The following KAZN variants were observed in gnomAD, a reference collection of about 807,000 sequenced individuals.
KAZN encodes kazrin, periplakin interacting protein.
KAZN carries 40 observed loss-of-function variants against 87.4 expected under a neutral mutation model. The observed-to-expected ratio is 0.46, with a 90% CI of 0.36 to 0.60. KAZN has a LOEUF of 0.60. KAZN is among the 20% of genes least tolerant of loss of function. The probability of loss-of-function intolerance (pLI) is 0.00; values close to 1 mark genes in which losing one functional copy is unlikely to be tolerated. For synonymous variants in KAZN, 466 were observed against 458.3 expected (o/e 1.02, Z -0.22); for missense variants, 898 against 1,073.9 (o/e 0.84, Z 2.29).
At chr1:14,353,607 A>T (rs187509159) in intron 2 of KAZN, among the ~76,000 whole-genome samples, 261 of 152,364 alleles carry the variant, frequency 1.7e-3, no homozygotes, top group African/African-American at 6.0e-3. Flanking sequence ...CACATGCTAT[A>T]AAGTTAACAT....
At chr1:14,662,715 A>G (rs1306827733) in intron 1 of KAZN, among the ~76,000 whole-genome samples, 1 of 151,102 alleles carries the variant, frequency 6.6e-6, no homozygotes, top group African/African-American at 2.4e-5. Context: ...GTGCATGTGT[A>G]TATGTATGAG....
chr1:14,780,076 G>A (rs1030281695), intron 1 of KAZN, among the ~76,000 whole-genome samples: 2 of 152,166 alleles, frequency 1.3e-5, no homozygotes, highest in African/African-American at 4.8e-5. Flanking sequence ...CCCAGGTATT[G>A]TCTGAGTCCC....
chr1:14,009,001 A>G (rs909708895), intron 1 of KAZN, among the ~76,000 whole-genome samples: 3 of 151,966 alleles, frequency 2.0e-5, no homozygotes, highest in African/African-American at 7.3e-5. Flanking sequence ...CTACCGTTCT[A>G]TTTTCTGTCT....
At chr1:15,101,119 C>T (rs928228691) in intron 10 of KAZN, among the ~76,000 whole-genome samples, 5 of 144,028 alleles carry the variant, frequency 3.5e-5, no homozygotes, top group Non-Finnish European at 7.6e-5. Context: ...TGTTCCCTTC[C>T]GTTTGTTTCT....
At chr1:14,524,178 C>T (rs756700661) in intron 2 of KAZN, among the ~76,000 whole-genome samples, 11 of 152,032 alleles carry the variant, frequency 7.2e-5, no homozygotes, top group Admixed American at 2.0e-4. Context: ...TGCACCACCA[C>T]GCCTGGGTAA....
At chr1:13,945,100 A>G (rs1641086583) in intron 1 of KAZN, among the ~76,000 whole-genome samples, 2 of 152,170 alleles carry the variant, frequency 1.3e-5, no homozygotes, top group Admixed American at 6.6e-5. Context: ...TACTAGATAT[A>G]AAGAGAAACA....
intron 2 of KAZN, among the ~76,000 whole-genome samples, chr1:14,518,217 G>A (rs10927456): frequency 0.41 from 54,647 of 132,094 alleles, 11,532 homozygotes; most frequent in South Asian, 0.62. Context: ...GTCTCGCTGT[G>A]CCACCCAGGC....
chr1:15,033,276 T>C (rs1465691907), intron 2 of KAZN, among the ~76,000 whole-genome samples: 1 of 152,236 alleles, frequency 6.6e-6, no homozygotes, highest in Non-Finnish European at 1.5e-5. Context: ...TATTAGGTAA[T>C]ATTCCATTGT....
chr1:14,097,865 G>A lies in KAZN; in HGVS notation c.92-82570G>A, dbSNP rs116003279. Among the ~76,000 whole-genome samples, 1,211 of 152,222 alleles carry A rather than the reference G, an allele frequency of 8.0e-3. 10 individuals are homozygous for A. The highest frequency in any genetic ancestry group is 0.014 in the Non-Finnish European group (946 of 68,000). On this transcript the variant is annotated intron_variant, in intron 1 of 16. Transcript: ENST00000636203. The stretch of plus-strand genomic sequence containing the variant: ...GAAGTTGAATCAGTTCCCCAGATGA[G>A]CCCAGAGCTCACCTTCCTTGTATCT...
At chr1:14,827,845 C>T (rs1241046828) in intron 1 of KAZN, among the ~76,000 whole-genome samples, 4 of 152,222 alleles carry the variant, frequency 2.6e-5, no homozygotes, top group African/African-American at 9.6e-5. Flanking sequence ...TAAGGTGGAA[C>T]AGGAGCCCCT....
chr1:14,965,587 A>T (rs926131323), intron 2 of KAZN, among the ~76,000 whole-genome samples: 1 of 152,368 alleles, frequency 6.6e-6, no homozygotes, highest in Admixed American at 6.5e-5. Flanking sequence ...TTTAATGACT[A>T]CATAATGTTC....
At position 14,599,255 on chromosome 1, in the gene KAZN, A is replaced by G; in HGVS notation, c.226+32A>G. On this transcript the variant is annotated intron_variant, in intron 1 of 14. Coordinates refer to ENST00000376030, the MANE Select transcript of KAZN (RefSeq NM_201628.3). The surrounding 1 kb of genome is among the most constrained non-coding windows in gnomAD (Gnocchi z 4.4). ...TCGCCCCGGCGCCCAGGGCGGAGGAAGGCGAGCAGAGCACGCCCGGCCTCG... is the reference window on the plus strand; with the variant it reads ...TCGCCCCGGCGCCCAGGGCGGAGGAGGGCGAGCAGAGCACGCCCGGCCTCG... The G allele has an allele frequency of 7.5e-7, 1 of 1,335,776 alleles. No individual in the cohort carries two copies. The highest frequency in any genetic ancestry group is 9.5e-7 in the Non-Finnish European group (1 of 1,047,776). 82.7% of individuals were successfully genotyped at this position (1,335,776 alleles called of 1,614,324 possible).
At chr1:14,149,825 A>G (rs1326398773) in intron 1 of KAZN, among the ~76,000 whole-genome samples, 3 of 152,204 alleles carry the variant, frequency 2.0e-5, no homozygotes, top group South Asian at 4.1e-4. Context: ...AGGGAATGGA[A>G]CTGTATTGTT....
intron 1 of KAZN, among the ~76,000 whole-genome samples, chr1:14,830,393 T>G (rs1365445555): frequency 2.0e-5 from 3 of 152,188 alleles, no homozygotes; most frequent in African/African-American, 7.2e-5. Context: ...GAACAAGGGA[T>G]GCTGTGCTTT....
chr1:14,747,765 C>A (rs1644301758), intron 1 of KAZN, among the ~76,000 whole-genome samples: 1 of 152,142 alleles, frequency 6.6e-6, no homozygotes, highest in East Asian at 1.9e-4. Flanking sequence ...CTATATTTAA[C>A]TTTTTGAGAA....
At chr1:14,425,686 G>A (rs1371687218) in intron 2 of KAZN, among the ~76,000 whole-genome samples, 1 of 152,186 alleles carries the variant, frequency 6.6e-6, no homozygotes, top group Non-Finnish European at 1.5e-5. Flanking sequence ...GTCAGCTGGG[G>A]TCTCAGTTTT....
At chr1:14,065,359 A>G (rs189269319) in intron 1 of KAZN, among the ~76,000 whole-genome samples, 1 of 152,326 alleles carries the variant, frequency 6.6e-6, no homozygotes, top group East Asian at 1.9e-4. Flanking sequence ...ACACACATGA[A>G]AACAAGACAA....
chr1:15,033,980 T>C (rs1244978323), intron 2 of KAZN, among the ~76,000 whole-genome samples: 2 of 152,228 alleles, frequency 1.3e-5, no homozygotes, highest in African/African-American at 4.8e-5. Context: ...TCTCAAGTGA[T>C]CGGCCTGCCT....
At chr1:14,344,520 A>T (rs1289301628) in intron 2 of KAZN, among the ~76,000 whole-genome samples, 1 of 152,168 alleles carries the variant, frequency 6.6e-6, no homozygotes, top group Non-Finnish European at 1.5e-5. Flanking sequence ...GCAGAAGGCA[A>T]AACAAATAAA....
Sources: allele counts gnomAD v4.1 joint callset (sites outside exome capture counted in the v4.1 genomes callset), GRCh38; gene constraint gnomAD v4.1.1; non-coding constraint Gnocchi (gnomAD v3.1); transcripts MANE v1.5; gene names NCBI Gene and HGNC (gene_info 2026-07-23, HGNC 2026-07-21).